TMEM266: variants seen among roughly 807,000 people sequenced by gnomAD.
TMEM266 encodes the protein transmembrane protein 266.
In TMEM266, 33 loss-of-function variants were observed where a neutral mutation model predicts 50.5. The observed-to-expected ratio is 0.65, with a 90% CI of 0.50 to 0.87. TMEM266 has a LOEUF of 0.87. TMEM266 is among the 40% of genes least tolerant of loss of function. The probability of loss-of-function intolerance (pLI) is 0.00; values close to 1 mark genes in which losing one functional copy is unlikely to be tolerated. For missense variants in TMEM266, 655 were observed against 695.1 expected, an observed-to-expected ratio of 0.94 and a Z score of 0.65; for synonymous variants, 310 against 292.3, an observed-to-expected ratio of 1.06 and a Z score of -0.62.
chr15:76,159,162 T>A (rs1240628248), intron 4 of TMEM266, among the ~76,000 whole-genome samples: 1 of 152,130 alleles, frequency 6.6e-6, no homozygotes, highest in Non-Finnish European at 1.5e-5. Context: ...CACCAGTATT[T>A]CTTTTAGGCC....
rs77962484 is a variant in TMEM266 at position 76,190,308 on chromosome 15, A to G, written c.769-1660A>G. ...AGAAGAAGGATTGCGTCTTGGGGTC[A>G]GGTCACGGGAGAGAGGATGAGACAA... On this transcript the variant is annotated intron_variant, in intron 8 of 10. Coordinates refer to ENST00000388942, the MANE Select transcript of TMEM266 (RefSeq NM_152335.3). Among the ~76,000 whole-genome samples, 1,488 of 152,318 alleles carry G rather than the reference A, an allele frequency of 9.8e-3. 30 individuals carry two copies. The highest frequency in any genetic ancestry group is 0.035 in the African/African-American group (1,436 of 41,574).
chr15:76,120,720 C>T (rs1231407525), intron 1 of TMEM266, among the ~76,000 whole-genome samples: 4 of 145,824 alleles, frequency 2.7e-5, no homozygotes, highest in African/African-American at 5.2e-5. Context: ...AAGATCATGC[C>T]GCTGCACTCC....
intron 5 of TMEM266, among the ~76,000 whole-genome samples, chr15:76,169,259 G>T (rs753698052): frequency 6.6e-6 from 1 of 152,110 alleles, no homozygotes; most frequent in Non-Finnish European, 1.5e-5. Context: ...TGCAAGGAGG[G>T]CTGGGAAATG....
intron 1 of TMEM266, among the ~76,000 whole-genome samples, chr15:76,104,420 A>G (rs2037050262): frequency 6.6e-6 from 1 of 152,242 alleles, no homozygotes; most frequent in East Asian, 1.9e-4. Flanking sequence ...TGGACTGTGC[A>G]GACATAGAAC....
At chr15:76,187,079 ATT>A (rs2038499481) in intron 8 of TMEM266, among the ~76,000 whole-genome samples, 1 of 152,154 alleles carries the variant, frequency 6.6e-6, no homozygotes, top group African/African-American at 2.4e-5. Context: ...TGAGAAAGGC[ATT>A]TTCATTCCAA....
At position 76,158,132 on chromosome 15, in the gene TMEM266, C is replaced by T. The variant is rs544372736; in HGVS notation, c.382+1374C>T. On this transcript the variant is annotated intron_variant, in intron 4 of 10. Coordinates refer to ENST00000388942, the MANE Select transcript of TMEM266 (RefSeq NM_152335.3). The stretch of plus-strand genomic sequence containing the variant: ...AACCCATTCAGACGTCTTGGCCTTC[C>T]ATTCTCAAATGCCCCCAATTCCTTT... Among the ~76,000 whole-genome samples the T allele has an allele frequency of 2.6e-5, 4 of 152,338 alleles. No individual in the cohort carries two copies. The East Asian group carries it at 7.7e-4, about 29-fold the overall frequency.
At chr15:76,083,385 A>C (rs1274947276) in intron 1 of TMEM266, among the ~76,000 whole-genome samples, 1 of 152,002 alleles carries the variant, frequency 6.6e-6, no homozygotes. Flanking sequence ...AATTCTTAGC[A>C]GCTTCTAGTC....
chr15:76,184,941 T>TC (rs1335411183), intron 8 of TMEM266, among the ~76,000 whole-genome samples: 1 of 152,104 alleles, frequency 6.6e-6, no homozygotes, highest in Non-Finnish European at 1.5e-5. Flanking sequence ...GGTCTTTTTT[T>TC]CCCACCGGGC....
intron 8 of TMEM266, among the ~76,000 whole-genome samples, chr15:76,176,997 G>A (rs544190966): frequency 2.6e-5 from 4 of 152,258 alleles, no homozygotes; most frequent in South Asian, 2.1e-4. Flanking sequence ...TTTTGGTTGC[G>A]CTGTGCCCCT....
intron 2 of TMEM266, among the ~76,000 whole-genome samples, chr15:76,134,829 A>G (rs1216127685): frequency 6.6e-6 from 1 of 152,256 alleles, no homozygotes; most frequent in Non-Finnish European, 1.5e-5. Flanking sequence ...ATAGAACCTT[A>G]GTAGAATACA....
chr15:76,184,813 C>T (rs903376552), intron 8 of TMEM266, among the ~76,000 whole-genome samples: 7 of 152,338 alleles, frequency 4.6e-5, no homozygotes, highest in East Asian at 1.9e-4. Context: ...ATGCATACTG[C>T]GGGCTTCCCT....
intron 9 of TMEM266, among the ~76,000 whole-genome samples, chr15:76,193,527 T>G (rs573835927): frequency 6.6e-5 from 10 of 151,566 alleles, no homozygotes; most frequent in African/African-American, 1.9e-4. Context: ...AGCCACTCTT[T>G]TGAGAGATCT....
intron 6 of TMEM266, among the ~76,000 whole-genome samples, chr15:76,170,236 G>A (rs760876143): frequency 2.0e-4 from 30 of 152,188 alleles, no homozygotes; most frequent in Non-Finnish European, 2.6e-4. Context: ...CTGGGTTTCC[G>A]TTCTGCTTCC....
At chr15:76,064,076 CATA>C (rs1422277892) in intron 1 of TMEM266, among the ~76,000 whole-genome samples, 1 of 152,216 alleles carries the variant, frequency 6.6e-6, no homozygotes, top group African/African-American at 2.4e-5. Flanking sequence ...AATGGGAATG[CATA>C]ATGTTTTTGA....
At chr15:76,118,565 TAAAG>T (rs2037288838) in intron 1 of TMEM266, among the ~76,000 whole-genome samples, 1 of 152,058 alleles carries the variant, frequency 6.6e-6, no homozygotes, top group Non-Finnish European at 1.5e-5. Flanking sequence ...TCTCAAAAAA[TAAAG>T]GAAGGAAACT....
At chr15:76,119,465 C>A (rs1410600620) in intron 1 of TMEM266, among the ~76,000 whole-genome samples, 2 of 149,570 alleles carry the variant, frequency 1.3e-5, no homozygotes, top group Non-Finnish European at 3.0e-5. Context: ...TGAAACAATT[C>A]ATAGAAATAT....
intron 1 of TMEM266, among the ~76,000 whole-genome samples, chr15:76,074,267 TGTG>T (rs1481018004): frequency 2.0e-5 from 3 of 152,128 alleles, no homozygotes; most frequent in African/African-American, 7.3e-5. Context: ...CATTTTTAAT[TGTG>T]GTAAAATGCA....
chr15:76,079,064 G>A (rs917697725), intron 1 of TMEM266, among the ~76,000 whole-genome samples: 21 of 152,202 alleles, frequency 1.4e-4, no homozygotes, highest in African/African-American at 4.6e-4. Context: ...AGCTCAGAAG[G>A]TCACAGGGGA....
At chr15:76,155,042 C>T (rs1347929622) in intron 3 of TMEM266, among the ~76,000 whole-genome samples, 4 of 152,262 alleles carry the variant, frequency 2.6e-5, no homozygotes, top group Non-Finnish European at 5.9e-5. Flanking sequence ...ATTGTCTTTA[C>T]AGGGCAGATT....
Sources: gnomAD v4.1 joint callset for allele counts (sites outside exome capture counted in the v4.1 genomes callset) on GRCh38, gnomAD v4.1.1 for gene constraint, MANE v1.5 for transcripts, NCBI Gene and HGNC (gene_info 2026-07-23, HGNC 2026-07-21) for gene names.